AGR3: variants seen among roughly 807,000 people sequenced by gnomAD.
AGR3 encodes the protein anterior gradient protein 3.
Under a neutral mutation model 24.5 loss-of-function variants are expected in AGR3, and 37 were observed. That is an observed-to-expected ratio of 1.51 (90% CI 1.16 to 1.99). The LOEUF is 1.99. AGR3 is among the 30% of genes most tolerant of loss of function. The pLI is 0.00. For synonymous variants in AGR3, 75 were observed against 61.6 expected (o/e 1.22, Z -1.02); for missense variants, 228 against 191.1 (o/e 1.19, Z -1.14).
chr7:16,876,221 C>T (rs1286765775), intron 2 of AGR3, among the ~76,000 whole-genome samples: 1 of 152,174 alleles, frequency 6.6e-6, no homozygotes, highest in Admixed American at 6.5e-5. Flanking sequence ...AGCTGTTACA[C>T]AGTTTAAATG....
At chr7:16,864,351 C>G in intron 3 of AGR3, 1 of 1,341,964 alleles carries the variant, frequency 7.5e-7, no homozygotes, top group Non-Finnish European at 1.1e-6. Context: ...GGCTGGCAGG[C>G]AGTTCACTGG....
rs117176858 is a variant in AGR3, at chr7:16,865,732, C to T, written c.174-3070G>A. 1,513 of 760,992 alleles carry T rather than the reference C, an allele frequency of 2.0e-3. 28 individuals carry two copies. In the East Asian group the frequency reaches 0.027, roughly 14 times the overall value. The allele number at this position is 760,992 out of a possible 1,614,324, so 47.1% of individuals were successfully genotyped here. On this transcript the variant is annotated intron_variant, in intron 3 of 7. Transcript: ENST00000310398. ...GTAGAAACTCTTTGCAAACTGCTAT[C>T]TGAGACTGATAGGGAAACATATGGA...
intron 7 of AGR3, among the ~76,000 whole-genome samples, chr7:16,860,099 G>A (rs200991705): frequency 2.9e-4 from 44 of 149,836 alleles, no homozygotes; most frequent in Non-Finnish European, 2.7e-4. Context: ...CTACAAAAAA[G>A]AAAAAAAAAG....
intron 3 of AGR3, among the ~76,000 whole-genome samples, chr7:16,866,633 A>T (rs1200432358): frequency 1.3e-5 from 2 of 152,064 alleles, no homozygotes; most frequent in Non-Finnish European, 2.9e-5. Flanking sequence ...ATTAGTTTAA[A>T]TTTTTTTTAT....
chr7:16,881,163 A>G (rs1376125050), intron 1 of AGR3, among the ~76,000 whole-genome samples: 2 of 152,228 alleles, frequency 1.3e-5, no homozygotes, highest in Non-Finnish European at 2.9e-5. Flanking sequence ...AAGAAAAAGC[A>G]TAACCTCATC....
intron 3 of AGR3, among the ~76,000 whole-genome samples, chr7:16,869,145 T>C (rs1403560094): frequency 1.3e-5 from 2 of 152,190 alleles, no homozygotes; most frequent in Non-Finnish European, 2.9e-5. Context: ...GGTGTTGAAG[T>C]CCCTTACTAT....
intron 1 of AGR3, among the ~76,000 whole-genome samples, chr7:16,878,987 G>A (rs562308927): frequency 1.3e-5 from 2 of 152,294 alleles, no homozygotes; most frequent in African/African-American, 2.4e-5. Context: ...CATGTTGTTT[G>A]ATGTCTTGTA....
At position 16,864,809 on chromosome 7, in the gene AGR3, C is replaced by G. The variant is rs1047217106; in HGVS notation, c.174-2147G>C. 2.0e-5 allele frequency: 18 copies of G among 915,130 alleles called. No individual in the cohort carries two copies. In the African/African-American group the frequency reaches 2.1e-4, roughly 11 times the overall value. 56.7% of individuals were successfully genotyped at this position (915,130 alleles called of 1,614,324 possible). ...CCGGCTTTGTTGGAATGTATCACAC[C>G]TCTTGTAGCTATAGATGTCCTATAT... On this transcript the variant is annotated intron_variant, in intron 3 of 7. Transcript: ENST00000310398.
At position 16,873,588 on chromosome 7, in the gene AGR3, T is replaced by C. The variant is rs143005387; in HGVS notation, c.173+192A>G. 1,760 of 569,060 alleles carry C rather than the reference T, an allele frequency of 3.1e-3. 7 individuals carry two copies. The highest frequency in any genetic ancestry group is 4.4e-3 in the Non-Finnish European group (1,404 of 320,650). 35.3% of individuals were successfully genotyped at this position (569,060 alleles called of 1,614,324 possible). Reference sequence around the variant, plus strand: ...TTATTGTATATATTTAAAAAGCTAGTAGAGAGGATTTTGAGTGTTCCCACC... The same window carrying C: ...TTATTGTATATATTTAAAAAGCTAGCAGAGAGGATTTTGAGTGTTCCCACC... On this transcript the variant is annotated intron_variant, in intron 3 of 7. Transcript: ENST00000310398.
At chr7:16,877,892 T>A (rs574569821) in intron 2 of AGR3, among the ~76,000 whole-genome samples, 10 of 152,032 alleles carry the variant, frequency 6.6e-5, no homozygotes, top group South Asian at 2.1e-4. Context: ...GAATTTTTTT[T>A]AATAAAATGT....
chr7:16,862,663 C>T lies in AGR3; in HGVS notation c.174-1G>A. On this transcript the variant is annotated splice_acceptor_variant, in intron 3 of 7. Transcript: ENST00000310398. LOFTEE classifies it high-confidence loss of function. The stretch of plus-strand genomic sequence containing the variant: ...ATGAATAACCATTAATGGCTTCTTA[C>T]TAAACAAAGAAAGTATGGAATTAAG... The T allele has an allele frequency of 6.5e-7, 1 of 1,545,542 alleles. No individual in the cohort carries two copies. The highest frequency in any genetic ancestry group is 8.7e-7 in the Non-Finnish European group (1 of 1,152,858).
chr7:16,880,509 T>TC (rs1782092735), intron 1 of AGR3, among the ~76,000 whole-genome samples: 2 of 6,772 alleles, frequency 3.0e-4, no homozygotes, highest in East Asian at 3.2e-3. Context: ...TTTCCCCTCC[T>TC]CTTTCCCCTC....
At position 16,878,658 on chromosome 7, in the gene AGR3, A is replaced by C. The variant is rs1782042929; in HGVS notation, c.-27-13T>G. 5 of 1,548,528 alleles carry C rather than the reference A, an allele frequency of 3.2e-6. No individual in the cohort carries two copies. In the East Asian group the frequency reaches 1.1e-4, roughly 35 times the overall value. On this transcript the variant is annotated splice_polypyrimidine_tract_variant and intron_variant, in intron 1 of 7. Coordinates refer to ENST00000310398, the MANE Select transcript of AGR3 (RefSeq NM_176813.5). The stretch of plus-strand genomic sequence containing the variant: ...CTCTCAGAAGAAGCTAGATGACAGA[A>C]AGGAATTCTCAGAATCCAGTGAATT...
chr7:16,878,525 G>A lies in AGR3; in HGVS notation c.94C>T (p.Gln32Ter), dbSNP rs757912274. 1.2e-6 allele frequency: 2 copies of A among 1,613,668 alleles called. No homozygotes were observed. The highest frequency in any genetic ancestry group is 1.3e-5 in the African/African-American group (1 of 74,932). The change falls in exon 2 of 8, where the codon CAG becomes TAG. Residue 32 changes from glutamine (Q) to a stop codon, truncating the protein, a stop_gained. Coordinates refer to ENST00000310398, the MANE Select transcript of AGR3 (RefSeq NM_176813.5). LOFTEE classifies it high-confidence loss of function. ...IAIKKEKRPP[Q>*]TLSRGWGDDI... ...ATTACAGCACCTCTTGAGAGTGTCT[G>A]AGGAGGCCTCTTTTCCTTTTTTATT...
chr7:16,879,767 A>G (rs944795025), intron 1 of AGR3, among the ~76,000 whole-genome samples: 4 of 152,256 alleles, frequency 2.6e-5, no homozygotes, highest in African/African-American at 9.6e-5. Flanking sequence ...AAATGAAAAG[A>G]TATATAAGAC....
At chr7:16,857,277 T>A (rs1262680868), downstream of AGR3, among the ~76,000 whole-genome samples, 1 of 152,200 alleles carries the variant, frequency 6.6e-6, no homozygotes, top group Non-Finnish European at 1.5e-5. Context: ...TATAATTATA[T>A]GCATAATAAA....
intron 3 of AGR3, chr7:16,865,651 A>G (rs1781744398): frequency 1.3e-6 from 1 of 791,586 alleles, no homozygotes; most frequent in South Asian, 1.4e-5. Flanking sequence ...TTATCTTCTT[A>G]TCAGTTCTCA....
At chr7:16,866,002 G>A (rs1781751972) in intron 3 of AGR3, 2 of 658,864 alleles carry the variant, frequency 3.0e-6, no homozygotes, top group Non-Finnish European at 5.6e-6. Context: ...GCACAGCCAA[G>A]TTCATGCTAA....
At chr7:16,862,496 T>A in intron 4 of AGR3, 114 bp downstream of exon 4, 1 of 533,812 alleles carries the variant, frequency 1.9e-6, no homozygotes, top group Non-Finnish European at 3.0e-6. Flanking sequence ...CAGTTGTCTA[T>A]TTTTTTTAAT....
Sources: gnomAD v4.1 joint callset for allele counts (sites outside exome capture counted in the v4.1 genomes callset) on GRCh38, gnomAD v4.1.1 for gene constraint, MANE v1.5 for transcripts, NCBI Gene and HGNC (gene_info 2026-07-23, HGNC 2026-07-21) for gene names.